TJP1: variants seen among roughly 807,000 people sequenced by gnomAD.
TJP1 encodes tight junction protein 1.
TJP1 carries 43 observed loss-of-function variants against 194.2 expected under a neutral mutation model. That is an observed-to-expected ratio of 0.22 (90% confidence interval 0.17 to 0.29). The LOEUF (loss-of-function observed/expected upper bound fraction) is 0.29. Among genes scored for constraint, TJP1 ranks in the 10% least tolerant of loss-of-function variants. TJP1 has a pLI of 1.00. For missense variants in TJP1, 1,971 were observed against 2,185.7 expected, an observed-to-expected ratio of 0.90 and a Z score of 1.96; for synonymous variants, 801 against 779.0, an observed-to-expected ratio of 1.03 and a Z score of -0.47.
At chr15:29,791,397 G>A (rs1257553291) in intron 2 of TJP1, among the ~76,000 whole-genome samples, 1 of 149,264 alleles carries the variant, frequency 6.7e-6, no homozygotes, top group Admixed American at 6.8e-5. Flanking sequence ...AGTTTTTGAG[G>A]AGCCTCCATA....
chr15:29,780,655 C>A (rs1158103846), intron 2 of TJP1, among the ~76,000 whole-genome samples: 2 of 151,718 alleles, frequency 1.3e-5, no homozygotes, highest in Admixed American at 1.3e-4. Context: ...TAAAAGTATG[C>A]CTGAAAGAAG....
intron 27 of TJP1, among the ~76,000 whole-genome samples, chr15:29,703,825 T>C (rs967189560): frequency 5.9e-5 from 9 of 151,968 alleles, no homozygotes; most frequent in African/African-American, 2.2e-4. Flanking sequence ...GTATTTTTAG[T>C]AGAGATGGGG....
chr15:29,857,951 C>T (rs1057433137), intron 2 of TJP1, among the ~76,000 whole-genome samples: 2 of 152,188 alleles, frequency 1.3e-5, no homozygotes, highest in Admixed American at 6.5e-5. Flanking sequence ...TTCGTAGAGA[C>T]GGGGCTTCAC....
In TJP1 at chr15:29,791,204, T is replaced by G. The variant is rs1428006989; in HGVS notation, c.84+9442A>C. Among the ~76,000 whole-genome samples the G allele has an allele frequency of 2.6e-5, 4 of 151,834 alleles. No homozygotes were observed. In the East Asian group the frequency reaches 7.8e-4, roughly 30 times the overall value. On this transcript the variant is annotated intron_variant, in intron 2 of 27. Coordinates refer to ENST00000614355, the MANE Select transcript of TJP1 (RefSeq NM_001330239.4). ...ACCACATTTGGCTAATTTTTTGTAT[T>G]TTAGTAGAGACGGGATTTCTCCATT...
At chr15:29,707,408 G>C (rs926169274) in intron 25 of TJP1, among the ~76,000 whole-genome samples, 6 of 152,196 alleles carry the variant, frequency 3.9e-5, no homozygotes, top group East Asian at 3.9e-4. Flanking sequence ...CAAGGGAGCA[G>C]AGCGCAGCCT....
At chr15:29,749,985 G>A (rs2045142739) in intron 8 of TJP1, among the ~76,000 whole-genome samples, 1 of 151,844 alleles carries the variant, frequency 6.6e-6, no homozygotes, top group Non-Finnish European at 1.5e-5. Context: ...TGGGATTACA[G>A]GAGCATGCCA....
intron 2 of TJP1, among the ~76,000 whole-genome samples, chr15:29,842,876 C>T (rs973219141): frequency 2.6e-5 from 4 of 152,148 alleles, no homozygotes; most frequent in African/African-American, 4.8e-5. Context: ...CCTGTTTTCA[C>T]GCAAGCAAAG....
intron 2 of TJP1, among the ~76,000 whole-genome samples, chr15:29,847,642 G>C (rs182645161): frequency 6.6e-6 from 1 of 152,052 alleles, no homozygotes; most frequent in Non-Finnish European, 1.5e-5. Flanking sequence ...AAAATTAGCC[G>C]GGCGAGGTGG....
At chr15:29,788,863 T>C (rs1252249724) in intron 2 of TJP1, among the ~76,000 whole-genome samples, 1 of 152,200 alleles carries the variant, frequency 6.6e-6, no homozygotes, top group Admixed American at 6.5e-5. Context: ...TAAAAAGGTG[T>C]GGGTGTGTTA....
At chr15:29,868,789 C>G (rs1368574312) in intron 2 of TJP1, among the ~76,000 whole-genome samples, 1 of 152,118 alleles carries the variant, frequency 6.6e-6, no homozygotes, top group Admixed American at 6.5e-5. Flanking sequence ...ACAAAGTTTG[C>G]AAAACTTTGA....
In TJP1 at chr15:29,950,283, C is replaced by T. The variant is rs146147131; in HGVS notation, c.306+5949G>A. 6.8e-3 allele frequency among the ~76,000 whole-genome samples: 1,020 copies of T among 150,504 alleles called. 11 individuals carry two copies. Among genetic ancestry groups the T allele is most frequent in the Admixed American group, 0.017 (259 of 15,156 alleles). ...TCTATGACCACCACCTCCACTTCCA[C>T]CTTCACCACCGCTACCTCCACCACC... On this transcript the variant is annotated intron_variant, in intron 2 of 28. Transcript: ENST00000356107.
At chr15:29,949,508 A>T (rs1596310458) in intron 2 of TJP1, among the ~76,000 whole-genome samples, 1 of 120,708 alleles carries the variant, frequency 8.3e-6, no homozygotes, top group East Asian at 2.7e-4. Context: ...CACAACCACC[A>T]CCTCCACCTC....
chr15:29,958,664 C>T (rs184479726), intron 1 of TJP1, among the ~76,000 whole-genome samples: 68 of 151,502 alleles, frequency 4.5e-4, no homozygotes, highest in Admixed American at 3.2e-3. Flanking sequence ...CGTATATGTA[C>T]ACACACACAC....
At chr15:29,854,416 T>C (rs1197640908) in intron 2 of TJP1, among the ~76,000 whole-genome samples, 2 of 152,092 alleles carry the variant, frequency 1.3e-5, no homozygotes, top group South Asian at 2.1e-4. Context: ...TGTCCAATGA[T>C]AAATGTCCTT....
At chr15:29,902,091 G>A (rs781514791) in intron 2 of TJP1, among the ~76,000 whole-genome samples, 2 of 151,928 alleles carry the variant, frequency 1.3e-5, no homozygotes, top group African/African-American at 2.4e-5. Flanking sequence ...ATTGGAAGAG[G>A]GGAAAAAATC....
At chr15:29,767,955 A>C (rs757553853) in intron 4 of TJP1, among the ~76,000 whole-genome samples, 1 of 152,030 alleles carries the variant, frequency 6.6e-6, no homozygotes, top group Admixed American at 6.5e-5. Flanking sequence ...CTGAAACTTC[A>C]ATCTCTTTAT....
Position 29,796,227 on chromosome 15 carries a change from A to G in TJP1, c.84+4419T>C, listed in dbSNP as rs191810860. The stretch of plus-strand genomic sequence containing the variant: ...AAATAAAGAGCATTCAAAAGGAGGG[A>G]AAAAAACTGCCTCTATACACAGATG... On this transcript the variant is annotated intron_variant, in intron 2 of 27. Coordinates refer to ENST00000614355, the MANE Select transcript of TJP1 (RefSeq NM_001330239.4). Among the ~76,000 whole-genome samples, 570 of 152,056 alleles carry G rather than the reference A, an allele frequency of 3.7e-3. 2 individuals carry two copies. The highest frequency in any genetic ancestry group is 6.4e-3 in the Non-Finnish European group (436 of 67,984).
chr15:29,876,683 T>C (rs2052713504), intron 2 of TJP1, among the ~76,000 whole-genome samples: 1 of 152,200 alleles, frequency 6.6e-6, no homozygotes, highest in South Asian at 2.1e-4. Context: ...ACGGGTCTGC[T>C]TGTGATCTTG....
chr15:29,756,606 G>T (rs2045658510), intron 8 of TJP1, among the ~76,000 whole-genome samples: 2 of 152,108 alleles, frequency 1.3e-5, no homozygotes, highest in South Asian at 2.1e-4. Flanking sequence ...AAGCTTGTGT[G>T]TTTTTCTCAG....
Sources: allele counts gnomAD v4.1 joint callset (sites outside exome capture counted in the v4.1 genomes callset), GRCh38; gene constraint gnomAD v4.1.1; transcripts MANE v1.5; gene names NCBI Gene and HGNC (gene_info 2026-07-23, HGNC 2026-07-21).